Variants in ATP9B observed in about 807,000 individuals in gnomAD.
The protein encoded by ATP9B is ATPase phospholipid transporting 9B, also known as probable phospholipid-transporting ATPase IIB.
In ATP9B, 110 loss-of-function variants were observed where a neutral mutation model predicts 146.1. The observed-to-expected ratio is 0.75, with a 90% CI of 0.65 to 0.88. The LOEUF is 0.88. Among genes scored for constraint, ATP9B ranks in the 40% least tolerant of loss-of-function variants. ATP9B has a pLI of 0.00. For synonymous variants in ATP9B, 604 were observed against 569.7 expected (o/e 1.06, Z -0.86); for missense variants, 1,499 against 1,496.4 (o/e 1.00, Z -0.03).
intron 11 of ATP9B, among the ~76,000 whole-genome samples, chr18:79,237,909 C>T (rs1028952810): frequency 6.6e-6 from 1 of 152,096 alleles, no homozygotes; most frequent in Non-Finnish European, 1.5e-5. Flanking sequence ...AGGCTGGTCT[C>T]AGAGTCCTGG....
chr18:79,376,283 C>G (rs905110942), intron 29 of ATP9B: 142 of 985,060 alleles, frequency 1.4e-4, no homozygotes, highest in Non-Finnish European at 1.3e-4. Context: ...GAGCTGGTGT[C>G]TCTTCCCTAA....
intron 2 of ATP9B, among the ~76,000 whole-genome samples, chr18:79,107,638 A>G (rs2075742709): frequency 6.6e-6 from 1 of 152,132 alleles, no homozygotes; most frequent in Non-Finnish European, 1.5e-5. Context: ...CTTGCTGGTG[A>G]TTGTCTCCAA....
chr18:79,151,047 C>T (rs2094681863), intron 6 of ATP9B, among the ~76,000 whole-genome samples: 1 of 152,172 alleles, frequency 6.6e-6, no homozygotes, highest in Non-Finnish European at 1.5e-5. Flanking sequence ...CAGTGTTACC[C>T]CTCTCAAAAT....
chr18:79,095,792 C>T (rs1354760967), intron 1 of ATP9B: 1 of 152,126 alleles, frequency 6.6e-6, no homozygotes, highest in East Asian at 1.9e-4. Flanking sequence ...AGATAAATTA[C>T]ATTTGTGATT....
intron 9 of ATP9B, among the ~76,000 whole-genome samples, chr18:79,203,672 T>TA (rs1454749663): frequency 1.3e-5 from 2 of 152,212 alleles, no homozygotes; most frequent in African/African-American, 4.8e-5. Context: ...TTATGGTAGA[T>TA]AAAAATTTTA....
chr18:79,157,267 A>G (rs1472532786), intron 7 of ATP9B, among the ~76,000 whole-genome samples: 3 of 151,700 alleles, frequency 2.0e-5, no homozygotes, highest in East Asian at 3.9e-4. Flanking sequence ...ATGGTGGCAC[A>G]GGCCTATAAT....
intron 8 of ATP9B, among the ~76,000 whole-genome samples, chr18:79,190,101 T>C (rs2095349705): frequency 6.6e-6 from 1 of 152,190 alleles, no homozygotes; most frequent in Non-Finnish European, 1.5e-5. Flanking sequence ...CTGCACTTAG[T>C]TCTGTGCAGT....
At chr18:79,109,362 C>T (rs954261692) in intron 2 of ATP9B, among the ~76,000 whole-genome samples, 1 of 152,086 alleles carries the variant, frequency 6.6e-6, no homozygotes, top group African/African-American at 2.4e-5. Flanking sequence ...ATACTGTCTA[C>T]CCCAAAATAA....
chr18:79,371,434 TCTTC>T (rs1444944215), intron 26 of ATP9B, among the ~76,000 whole-genome samples: 1 of 148,600 alleles, frequency 6.7e-6, no homozygotes, highest in African/African-American at 2.5e-5. Flanking sequence ...TGAATTTGAA[TCTTC>T]CTTTTCATAT....
intron 7 of ATP9B, among the ~76,000 whole-genome samples, chr18:79,164,270 A>T (rs550387452): frequency 2.7e-3 from 410 of 152,308 alleles, no homozygotes; most frequent in Non-Finnish European, 4.5e-3. Flanking sequence ...TGTCTCAGAT[A>T]TACTTTAATT....
At chr18:79,327,499 GTGTGCTCTCTCCATGGT>G (rs2096755868) in intron 15 of ATP9B, among the ~76,000 whole-genome samples, 3 of 147,118 alleles carry the variant, frequency 2.0e-5, no homozygotes, top group Admixed American at 2.0e-4. Flanking sequence ...TCCGTGGTTA[GTGTGCTCTCTCCATGGT>G]TAGCGTGCTC....
At chr18:79,157,758 A>T (rs2094816965) in intron 7 of ATP9B, among the ~76,000 whole-genome samples, 3 of 152,104 alleles carry the variant, frequency 2.0e-5, no homozygotes, top group Admixed American at 1.3e-4. Flanking sequence ...TAGGTTATCT[A>T]ATCCACTTTA....
chr18:79,167,782 G>A (rs1049953610), intron 7 of ATP9B, among the ~76,000 whole-genome samples: 8 of 152,196 alleles, frequency 5.3e-5, no homozygotes, highest in Admixed American at 3.3e-4. Context: ...CTGGCAGCCC[G>A]GCCCCGAGGC....
chr18:79,229,492 A>G (rs1013275485), intron 11 of ATP9B, among the ~76,000 whole-genome samples: 2 of 152,250 alleles, frequency 1.3e-5, no homozygotes, highest in African/African-American at 4.8e-5. Flanking sequence ...TAATGGATCA[A>G]TTTAATATGT....
intron 8 of ATP9B, among the ~76,000 whole-genome samples, chr18:79,189,900 C>T (rs184463644): frequency 1.8e-4 from 28 of 152,322 alleles, no homozygotes; most frequent in African/African-American, 6.3e-4. Flanking sequence ...CATGGTATTA[C>T]GCCAAACACG....
At chr18:79,361,769 T>G in intron 26 of ATP9B, 1 of 985,486 alleles carries the variant, frequency 1.0e-6, no homozygotes, top group Non-Finnish European at 1.2e-6. Flanking sequence ...TGCAGCACTC[T>G]GCGTTGTTGT....
intron 5 of ATP9B, among the ~76,000 whole-genome samples, chr18:79,141,757 T>G (rs1391243458): frequency 2.6e-5 from 4 of 152,226 alleles, no homozygotes; most frequent in Non-Finnish European, 5.9e-5. Flanking sequence ...TCAAATCTGA[T>G]ATTAGTATAT....
At chr18:79,241,966 A>T (rs763216490) in intron 11 of ATP9B, among the ~76,000 whole-genome samples, 6 of 152,174 alleles carry the variant, frequency 3.9e-5, no homozygotes, top group Non-Finnish European at 8.8e-5. Flanking sequence ...CAGCACTGGG[A>T]TGCTGCTGCC....
intron 10 of ATP9B, among the ~76,000 whole-genome samples, chr18:79,208,772 C>T (rs967986926): frequency 6.7e-6 from 1 of 148,654 alleles, no homozygotes; most frequent in African/African-American, 2.5e-5. Flanking sequence ...TATAAACATA[C>T]GTATATAAAT....
Sources: gnomAD v4.1 joint callset for allele counts (sites outside exome capture counted in the v4.1 genomes callset) on GRCh38, gnomAD v4.1.1 for gene constraint, MANE v1.5 for transcripts, NCBI Gene and HGNC (gene_info 2026-07-23, HGNC 2026-07-21) for gene names.